SIK3: variants seen among roughly 807,000 people sequenced by gnomAD.
SIK3 encodes the protein SIK family kinase 3.
In SIK3, 28 loss-of-function variants were observed where a neutral mutation model predicts 144.2. That is an observed-to-expected ratio of 0.19 (90% CI 0.14 to 0.27). The LOEUF is 0.27. SIK3 is among the 10% of genes least tolerant of loss of function. The pLI is 1.00. For synonymous variants in SIK3, 686 were observed against 676.3 expected (o/e 1.01, Z -0.22); for missense variants, 1,319 against 1,776.0 (o/e 0.74, Z 4.62).
At chr11:116,992,315 A>AACC (rs1950524791) in intron 1 of SIK3, among the ~76,000 whole-genome samples, 3 of 117,772 alleles carry the variant, frequency 2.5e-5, no homozygotes, top group Non-Finnish European at 3.6e-5. Context: ...ACAGAGCAAG[A>AACC]CCCCCCCCCC....
intron 3 of SIK3, among the ~76,000 whole-genome samples, chr11:116,944,276 G>A (rs1418575499): frequency 6.6e-6 from 1 of 152,152 alleles, no homozygotes; most frequent in Non-Finnish European, 1.5e-5. Context: ...TGCTCGGAGT[G>A]TCTCTGTCTG....
chr11:116,926,308 T>A (rs1221969432), intron 4 of SIK3, among the ~76,000 whole-genome samples: 1 of 152,254 alleles, frequency 6.6e-6, no homozygotes, highest in Non-Finnish European at 1.5e-5. Context: ...TTGCAGTCAC[T>A]TAATTTTATT....
rs776874281 is a variant in SIK3, at chr11:116,847,591, C to T, written c.3837G>A (p.Leu1279=). The T allele has an allele frequency of 6.2e-7, 1 of 1,614,190 alleles. No individual in the cohort carries two copies. The highest frequency in any genetic ancestry group is 8.5e-7 in the Non-Finnish European group (1 of 1,180,042). ...TCCCAGCCACGAGACTCATTCCTGG[C>T]AAGTTATCCAGCTGTACCTGCAGAA... is the stretch of plus-strand genomic sequence containing the variant. ...SDDAYVQLDN[L]PGMSLVAGKA... The change falls in exon 23 of 25, where the codon TTG becomes TTA. Residue 1279 remains leucine (L), a synonymous_variant. Coordinates refer to ENST00000445177, the MANE Select transcript of SIK3 (RefSeq NM_001366686.3).
At chr11:116,918,389 AC>A (rs895882863) in intron 4 of SIK3, among the ~76,000 whole-genome samples, 3 of 146,102 alleles carry the variant, frequency 2.1e-5, no homozygotes, top group South Asian at 2.2e-4. Flanking sequence ...TTTTTTTTCC[AC>A]CCCCACCCCC....
At chr11:116,933,385 C>T (rs983182795) in intron 3 of SIK3, among the ~76,000 whole-genome samples, 4 of 152,018 alleles carry the variant, frequency 2.6e-5, no homozygotes, top group African/African-American at 7.2e-5. Context: ...GTGCTCCACC[C>T]GCCTCAGCCC....
chr11:116,843,457 T>G lies in SIK3; in HGVS notation c.*2186A>C, dbSNP rs185684376. 11 of 151,526 alleles carry G rather than the reference T, an allele frequency of 7.3e-5. No individual in the cohort carries two copies. Among genetic ancestry groups the G allele is most frequent in the African/African-American group, 2.4e-4 (10 of 41,288 alleles). The allele number at this position is 151,526 out of a possible 1,614,324, so 9.4% of individuals were successfully genotyped here. On this transcript the variant is annotated 3_prime_UTR_variant, in exon 25 of 25. Transcript: ENST00000445177. Reference sequence around the variant, plus strand: ...TAATCCTTTTTAGTTCAACATAAAATGAGAAAGAAAAAAATATTTCTGACA... The same window carrying G: ...TAATCCTTTTTAGTTCAACATAAAAGGAGAAAGAAAAAAATATTTCTGACA...
In SIK3 at chr11:116,859,306, GGGA is replaced by G. The variant is rs1350428114; in HGVS notation, c.2721_2723del (p.Pro908del). On this transcript the variant is annotated inframe_deletion, in exon 20 of 25. Transcript: ENST00000445177. ...TGTCAGCACTCAGCTGCTTGGACAA[GGGA>G]CGGTGCCCATAGCTGAGGGTGGCCA... The G allele has an allele frequency of 1.2e-6, 2 of 1,612,910 alleles. No individual in the cohort carries two copies. The highest frequency in any genetic ancestry group is 8.5e-7 in the Non-Finnish European group (1 of 1,179,154).
intron 1 of SIK3, among the ~76,000 whole-genome samples, chr11:117,088,836 C>G (rs950104550): frequency 6.6e-6 from 1 of 150,620 alleles, no homozygotes; most frequent in African/African-American, 2.5e-5. Context: ...ACCACCACAC[C>G]CCTGGTTATT....
rs559020481 is a variant in SIK3 at position 116,872,043 on chromosome 11, T to C, written c.1737+1438A>G. On this transcript the variant is annotated intron_variant, in intron 13 of 24. Coordinates refer to ENST00000445177, the MANE Select transcript of SIK3 (RefSeq NM_001366686.3). ...TCCAGAGAGAGTACATCAAAGGACA[T>C]GGGAATAGGGCCTAGGATAAAACTC... Among the ~76,000 whole-genome samples, 6 of 151,838 alleles carry C rather than the reference T, an allele frequency of 4.0e-5. No individual in the cohort carries two copies. The East Asian group carries it at 9.7e-4, about 25-fold the overall frequency.
At chr11:117,080,783 A>G (rs901830020) in intron 1 of SIK3, among the ~76,000 whole-genome samples, 1 of 152,076 alleles carries the variant, frequency 6.6e-6, no homozygotes, top group Non-Finnish European at 1.5e-5. Flanking sequence ...CCCCGTCTCT[A>G]CTAAAAATAC....
intron 1 of SIK3, among the ~76,000 whole-genome samples, chr11:117,013,972 C>CTTTTCTTTTTTTTTTTT (rs1951409266): frequency 7.4e-5 from 2 of 27,044 alleles, no homozygotes; most frequent in Non-Finnish European, 7.4e-5. Flanking sequence ...TTTTTCTTTT[C>CTTTTCTTTTTTTTTTTT]TTTTTTTTTT....
intron 1 of SIK3, 113 bp downstream of exon 1, chr11:117,098,030 C>T (rs1955557608): frequency 3.5e-6 from 4 of 1,155,260 alleles, no homozygotes; most frequent in Non-Finnish European, 4.2e-6. Flanking sequence ...GCCTCCCGGC[C>T]CCCAACGCTC....
intron 21 of SIK3, among the ~76,000 whole-genome samples, chr11:116,852,003 T>C (rs1250374188): frequency 3.3e-5 from 5 of 152,264 alleles, no homozygotes; most frequent in Non-Finnish European, 7.3e-5. Context: ...CCTGATTATA[T>C]AGTTGGATGC....
chr11:117,038,778 A>G (rs1169677144), intron 1 of SIK3, among the ~76,000 whole-genome samples: 2 of 152,044 alleles, frequency 1.3e-5, no homozygotes, highest in Non-Finnish European at 2.9e-5. Flanking sequence ...GGCCAGGCGC[A>G]GTGGCTCATG....
chr11:116,892,135 A>T lies in SIK3; in HGVS notation c.865+4118T>A, dbSNP rs569284766. Among the ~76,000 whole-genome samples, 4 of 152,348 alleles carry T rather than the reference A, an allele frequency of 2.6e-5. No homozygotes were observed. The South Asian group carries it at 8.3e-4, about 32-fold the overall frequency. ...GTCGCCCTAGATCGAGAGGTCTGGG[A>T]CAAAAAGTTAACTGAGGACTGATCA... On this transcript the variant is annotated intron_variant, in intron 6 of 24. Transcript: ENST00000445177.
intron 1 of SIK3, among the ~76,000 whole-genome samples, chr11:116,993,093 C>T (rs1052824254): frequency 6.6e-6 from 1 of 152,044 alleles, no homozygotes; most frequent in African/African-American, 2.4e-5. Context: ...CACTATGTTG[C>T]CCAGATGGGT....
intron 1 of SIK3, among the ~76,000 whole-genome samples, chr11:116,967,900 G>T (rs150432357): frequency 2.2e-4 from 33 of 152,252 alleles, no homozygotes; most frequent in African/African-American, 7.5e-4. Flanking sequence ...CACTACCAGC[G>T]CTGACAGATA....
intron 1 of SIK3, among the ~76,000 whole-genome samples, chr11:117,039,983 C>T (rs1952670179): frequency 6.6e-6 from 1 of 152,178 alleles, no homozygotes; most frequent in South Asian, 2.1e-4. Flanking sequence ...CACATTTCCC[C>T]ACACACTCAT....
intron 1 of SIK3, among the ~76,000 whole-genome samples, chr11:116,976,154 G>A (rs1169054076): frequency 1.8e-4 from 27 of 152,102 alleles, no homozygotes; most frequent in Admixed American, 1.8e-3. Context: ...TCCATTCTAT[G>A]GGTTGTCATC....
Sources: allele counts gnomAD v4.1 joint callset (sites outside exome capture counted in the v4.1 genomes callset), GRCh38; gene constraint gnomAD v4.1.1; transcripts MANE v1.5; gene names NCBI Gene and HGNC (gene_info 2026-07-23, HGNC 2026-07-21).